FABP12: variants seen among roughly 807,000 people sequenced by gnomAD.
The protein encoded by FABP12 is fatty acid-binding protein 12.
In FABP12, 19 loss-of-function variants were observed where a neutral mutation model predicts 13.7. The ratio of observed to expected loss-of-function variants is 1.39; its 90% CI spans 0.97 to 2.04. The LOEUF (loss-of-function observed/expected upper bound fraction) is 2.04. Ranked by LOEUF, FABP12 falls within the 30% of genes most tolerant of loss-of-function variation. FABP12 has a pLI of 0.00. For missense variants in FABP12, 182 were observed against 164.2 expected (o/e 1.11, Z -0.59); for synonymous variants, 61 against 57.0 (o/e 1.07, Z -0.32).
intron 1 of FABP12, among the ~76,000 whole-genome samples, chr8:81,586,923 T>G (rs1373006973): frequency 6.6e-6 from 1 of 152,232 alleles, no homozygotes; most frequent in Non-Finnish European, 1.5e-5. Flanking sequence ...TTTATCGTTT[T>G]GGGTTTGACA....
chr8:81,580,922 G>A (rs1457547748), intron 1 of FABP12, among the ~76,000 whole-genome samples: 3 of 152,038 alleles, frequency 2.0e-5, no homozygotes, highest in East Asian at 1.9e-4. Flanking sequence ...TGTAAGACTC[G>A]GGATAGACTG....
At chr8:81,529,454 C>A in exon 3 of FABP12, 1 of 1,613,848 alleles carries the variant, frequency 6.2e-7, no homozygotes, top group South Asian at 1.1e-5. Flanking sequence ...TTTGTGGCCA[C>A]CTGGCGTGAT....
At chr8:81,571,046 A>G (rs571895271) in intron 1 of FABP12, among the ~76,000 whole-genome samples, 1 of 61,860 alleles carries the variant, frequency 1.6e-5, no homozygotes, top group Non-Finnish European at 3.1e-5. Context: ...AGCCACCCTC[A>G]GGCCCCCACT....
chr8:81,545,508 A>G (rs1809422229), intron 1 of FABP12, among the ~76,000 whole-genome samples: 1 of 152,260 alleles, frequency 6.6e-6, no homozygotes, highest in Non-Finnish European at 1.5e-5. Flanking sequence ...GCATTTTGAA[A>G]AGATTTGTGG....
rs184833177 is a variant in FABP12, at chr8:81,546,380, G to A, written c.-184-6637C>T. Among the ~76,000 whole-genome samples, 1,471 of 152,172 alleles carry A rather than the reference G, an allele frequency of 9.7e-3. 13 individuals are homozygous for A. Among genetic ancestry groups the A allele is most frequent in the Non-Finnish European group, 0.016 (1,057 of 68,008 alleles). On this transcript the variant is annotated intron_variant, in intron 1 of 5. Transcript: ENST00000692030. The stretch of plus-strand genomic sequence containing the variant: ...GTCATAAATTTCAAAATGGCTGGGC[G>A]CAGTGGCTCCCGCCTGTAATCCCAG...
intron 1 of FABP12, among the ~76,000 whole-genome samples, chr8:81,573,663 T>A (rs1344158451): frequency 6.6e-6 from 1 of 152,146 alleles, no homozygotes; most frequent in Non-Finnish European, 1.5e-5. Context: ...GGTCTTTCGA[T>A]TCCTTGGTTA....
chr8:81,544,658 A>G (rs1205219924), intron 1 of FABP12, among the ~76,000 whole-genome samples: 1 of 152,132 alleles, frequency 6.6e-6, no homozygotes, highest in Non-Finnish European at 1.5e-5. Context: ...AAGAAAAAAA[A>G]AAAGACCTGC....
chr8:81,586,715 T>C (rs1364820205), intron 1 of FABP12, among the ~76,000 whole-genome samples: 2 of 152,062 alleles, frequency 1.3e-5, no homozygotes, highest in Non-Finnish European at 2.9e-5. Context: ...TGTTGATTTG[T>C]TTGCAAATAT....
At position 81,525,529 on chromosome 8, in the gene FABP12, A is replaced by AAATAG. The variant is rs558390116; in HGVS notation, c.349-410_349-409insCTATT. On this transcript the variant is annotated intron_variant, in intron 4 of 4. Coordinates refer to ENST00000360464, the Ensembl canonical transcript of FABP12. Reference sequence around the variant, plus strand: ...AGACTCCGTCTCAAAAAAAAAAAAAAATAGATAGATAGATAGATAGATAGA... The same window carrying AAATAG: ...AGACTCCGTCTCAAAAAAAAAAAAAAAATAGATAGATAGATAGATAGATAGATAGA... Among the ~76,000 whole-genome samples the AAATAG allele has an allele frequency of 7.2e-3, 1,085 of 149,988 alleles. 6 individuals are homozygous for AAATAG. Among genetic ancestry groups the AAATAG allele is most frequent in the South Asian group, 0.012 (55 of 4,734 alleles).
chr8:81,568,303 A>T (rs1473798681), intron 1 of FABP12, among the ~76,000 whole-genome samples: 7 of 152,230 alleles, frequency 4.6e-5, no homozygotes, highest in Non-Finnish European at 1.0e-4. Context: ...AATCTGATTT[A>T]AAAATGGGCA....
upstream of FABP12, among the ~76,000 whole-genome samples, chr8:81,537,420 T>TA (rs370323247): frequency 1.5e-4 from 23 of 152,256 alleles, no homozygotes; most frequent in Middle Eastern, 3.4e-3. Context: ...CTTTTTTTTT[T>TA]ATCACCTTAG....
chr8:81,576,989 A>C lies in FABP12; in HGVS notation c.-185+13064T>G, dbSNP rs868347083. 3.9e-5 allele frequency among the ~76,000 whole-genome samples: 6 copies of C among 152,362 alleles called. No individual in the cohort carries two copies. In the South Asian group the frequency reaches 8.3e-4, roughly 21 times the overall value. ...CATGGCCATATACCACCTCAATAGA[A>C]CCAGGAAGTGCTGAAAACATTTGAG... On this transcript the variant is annotated intron_variant, in intron 1 of 5. Coordinates refer to the FABP12 transcript ENST00000692030.
chr8:81,528,873 T>C (rs1187802272), intron 3 of FABP12, among the ~76,000 whole-genome samples: 1 of 152,148 alleles, frequency 6.6e-6, no homozygotes, highest in Non-Finnish European at 1.5e-5. Context: ...CAGGTGGTAG[T>C]TGAACCTCTT....
chr8:81,572,656 T>C (rs998817652), intron 1 of FABP12, among the ~76,000 whole-genome samples: 3 of 152,124 alleles, frequency 2.0e-5, no homozygotes, highest in African/African-American at 7.2e-5. Context: ...TTATTGCAGG[T>C]TGAGGTGGTA....
intron 1 of FABP12, among the ~76,000 whole-genome samples, chr8:81,565,687 G>A (rs189440718): frequency 1.3e-5 from 2 of 151,970 alleles, no homozygotes; most frequent in African/African-American, 4.8e-5. Flanking sequence ...TTACTAAGAG[G>A]AAAGTTTATC....
At chr8:81,580,803 A>G (rs1164397996) in intron 1 of FABP12, among the ~76,000 whole-genome samples, 1 of 128,314 alleles carries the variant, frequency 7.8e-6, no homozygotes, top group African/African-American at 3.0e-5. Context: ...AGGCCTTTCT[A>G]CCCATATTTT....
At chr8:81,585,977 A>G (rs565520998) in intron 1 of FABP12, among the ~76,000 whole-genome samples, 2 of 152,106 alleles carry the variant, frequency 1.3e-5, no homozygotes, top group East Asian at 3.9e-4. Context: ...GTAGTTTTTC[A>G]TTTCTCATCC....
chr8:81,573,485 A>G (rs1809971359), intron 1 of FABP12, among the ~76,000 whole-genome samples: 1 of 152,166 alleles, frequency 6.6e-6, no homozygotes, highest in Admixed American at 6.5e-5. Flanking sequence ...AATTCTGTGA[A>G]GAATGATGGT....
chr8:81,552,707 A>G (rs1168540169), intron 1 of FABP12, among the ~76,000 whole-genome samples: 4 of 152,174 alleles, frequency 2.6e-5, no homozygotes, highest in African/African-American at 7.2e-5. Context: ...TATTTTTTTC[A>G]CTGATAAATC....
Sources: allele counts gnomAD v4.1 joint callset (sites outside exome capture counted in the v4.1 genomes callset), GRCh38; gene constraint gnomAD v4.1.1; transcripts MANE v1.5; gene names NCBI Gene and HGNC (gene_info 2026-07-23, HGNC 2026-07-21).